Variants in PRPF38B observed in about 807,000 individuals in gnomAD.
PRPF38B encodes the protein pre-mRNA processing factor 38B, also known as pre-mRNA-splicing factor 38B.
In PRPF38B, 18 loss-of-function variants were observed where a neutral mutation model predicts 67.2. That is an observed-to-expected ratio of 0.27 (90% CI 0.19 to 0.40). The LOEUF is 0.40. Ranked by LOEUF, PRPF38B falls within the 10% of genes least tolerant of loss-of-function variation. PRPF38B has a pLI of 1.00. For synonymous variants in PRPF38B, 246 were observed against 234.2 expected, an observed-to-expected ratio of 1.05 and a Z score of -0.46; for missense variants, 544 against 684.9, an observed-to-expected ratio of 0.79 and a Z score of 2.30.
intron 1 of PRPF38B, 25 bp from the exon 2 acceptor site, chr1:108,695,677 T>A (rs765396046): frequency 3.1e-6 from 5 of 1,611,514 alleles, no homozygotes; most frequent in Non-Finnish European, 3.4e-6. Context: ...TGAATGTTTG[T>A]TGTGTTCCTC....
In PRPF38B at chr1:108,702,819, C is replaced by T. The variant is rs1453880849; in HGVS notation, c.*2799C>T. 1.3e-5 allele frequency among the ~76,000 whole-genome samples: 2 copies of T among 152,178 alleles called. No individual in the cohort carries two copies. Among genetic ancestry groups the T allele is most frequent in the Admixed American group, 6.5e-5 (1 of 15,272 alleles). On this transcript the variant is annotated 3_prime_UTR_variant, in exon 6 of 6. Coordinates refer to ENST00000370025, the MANE Select transcript of PRPF38B (RefSeq NM_018061.4). ...TTTTTAATACAGCTTAATAAGCATCCTCCATCCAGTTTTTGTACTTACTGG... is the reference window on the plus strand; with the variant it reads ...TTTTTAATACAGCTTAATAAGCATCTTCCATCCAGTTTTTGTACTTACTGG...
At chr1:108,698,283 AATAC>A (rs1277685856) in intron 4 of PRPF38B, 3 of 221,270 alleles carry the variant, frequency 1.4e-5, no homozygotes, top group Non-Finnish European at 1.8e-5. Context: ...CACAGAAATA[AATAC>A]ATAGTAGGTA....
chr1:108,694,011 C>T (rs1659604534), intron 1 of PRPF38B, among the ~76,000 whole-genome samples: 1 of 152,098 alleles, frequency 6.6e-6, no homozygotes, highest in Non-Finnish European at 1.5e-5. Context: ...TTTTGTCTTG[C>T]CCACCTTTTC....
Position 108,699,333 on chromosome 1 carries a change from C to G in PRPF38B, c.954C>G (p.Ser318=), listed in dbSNP as rs1487577933. The part of the protein sequence containing the change: ...AKEREKERRR[S]RSIDRGLERR... ...AAAGGGAGAAAGAACGGCGAAGATC[C>G]CGAAGTATTGACCGGGGGTTAGAAC... The change falls in exon 6 of 6, where the codon TCC becomes TCG. Residue 318 remains serine, a synonymous_variant. Coordinates refer to ENST00000370025, the MANE Select transcript of PRPF38B (RefSeq NM_018061.4). 1 of 1,613,898 alleles carries G rather than the reference C, an allele frequency of 6.2e-7. No homozygotes were observed. The highest frequency in any genetic ancestry group is 8.5e-7 in the Non-Finnish European group (1 of 1,179,988).
intron 4 of PRPF38B, chr1:108,697,720 T>C (rs1195203838): frequency 2.0e-5 from 3 of 152,234 alleles, no homozygotes; most frequent in Non-Finnish European, 4.4e-5. Context: ...TGTATTGGTT[T>C]TGTTTCTGGA....
chr1:108,697,538 C>CTTTTTTTTTTTTTTTTTTTT (rs34770110), intron 4 of PRPF38B: 6 of 146,066 alleles, frequency 4.1e-5, no homozygotes, highest in African/African-American at 1.6e-4. Flanking sequence ...TTATTTTTCT[C>CTTTTTTTTTTTTTTTTTTTT]TTTTTTTTTT....
rs1315920347 is a variant in PRPF38B, at chr1:108,702,116, C to T, written c.*2096C>T. On this transcript the variant is annotated 3_prime_UTR_variant, in exon 6 of 6. Transcript: ENST00000370025. ...CGATGATCGTCACTACATTTGATTT[C>T]TTGTGGGTTTTTAGTTTGTTTTTGT... Among the ~76,000 whole-genome samples the T allele has an allele frequency of 6.6e-6, 1 of 152,142 alleles. No individual in the cohort carries two copies. Among genetic ancestry groups the T allele is most frequent in the Non-Finnish European group, 1.5e-5 (1 of 68,012 alleles).
chr1:108,700,063 T>C lies in PRPF38B; in HGVS notation c.*43T>C. On this transcript the variant is annotated 3_prime_UTR_variant, in exon 6 of 6. Coordinates refer to ENST00000370025, the MANE Select transcript of PRPF38B (RefSeq NM_018061.4). ...GGATCACATTGAATCCTATAAATGA[T>C]TAAATCTGCTTTTTTCCCCCACGTT... The C allele has an allele frequency of 6.5e-7, 1 of 1,532,896 alleles. No homozygotes were observed. Among genetic ancestry groups the C allele is most frequent in the Non-Finnish European group, 8.7e-7 (1 of 1,146,454 alleles). The allele number at this position is 1,532,896 out of a possible 1,614,324, so 95.0% of individuals were successfully genotyped here.
intron 3 of PRPF38B, 36 bp downstream of exon 3, chr1:108,696,230 C>T (rs752166677): frequency 1.2e-6 from 2 of 1,610,786 alleles, no homozygotes; most frequent in East Asian, 2.2e-5. Context: ...CAGTAAATAT[C>T]TCATTTTAAT....
chr1:108,702,466 T>C lies in PRPF38B; in HGVS notation c.*2446T>C, dbSNP rs913960203. ...ATATGTTTGCTTTTGAGGAAAATTA[T>C]GGTAGGTGTGAGAACATGTAAATTG... On this transcript the variant is annotated 3_prime_UTR_variant, in exon 6 of 6. Coordinates refer to ENST00000370025, the MANE Select transcript of PRPF38B (RefSeq NM_018061.4). 3.9e-5 allele frequency among the ~76,000 whole-genome samples: 6 copies of C among 152,192 alleles called. No individual in the cohort carries two copies. Among genetic ancestry groups the C allele is most frequent in the Non-Finnish European group, 5.9e-5 (4 of 68,046 alleles).
In PRPF38B at chr1:108,701,088, A is replaced by G. The variant is rs1379993773; in HGVS notation, c.*1068A>G. On this transcript the variant is annotated 3_prime_UTR_variant, in exon 6 of 6. Transcript: ENST00000370025. Reference sequence around the variant, plus strand: ...AAGTAATGCTGTGCTGCATTATTTAAGACTATCAGCAAATTATTTGATAGA... The same window carrying G: ...AAGTAATGCTGTGCTGCATTATTTAGGACTATCAGCAAATTATTTGATAGA... 6.6e-6 allele frequency: 1 copy of G among 152,660 alleles called. No individual in the cohort carries two copies. Among genetic ancestry groups the G allele is most frequent in the Non-Finnish European group, 1.5e-5 (1 of 68,032 alleles). 9.5% of individuals were successfully genotyped at this position (152,660 alleles called of 1,614,324 possible).
chr1:108,699,076 A>G, intron 5 of PRPF38B, 86 bp from the exon 6 acceptor site: 1 of 1,519,278 alleles, frequency 6.6e-7, no homozygotes, highest in Non-Finnish European at 8.8e-7. Context: ...GGACATGAAT[A>G]AATAATGCTG....
At chr1:108,696,838 G>A (rs1400622474) in intron 4 of PRPF38B, 2 of 686,854 alleles carry the variant, frequency 2.9e-6, no homozygotes, top group Non-Finnish European at 5.4e-6. Flanking sequence ...TAAGTGTTTG[G>A]ATGACTTGTT....
intron 1 of PRPF38B, chr1:108,693,782 AATT>A: frequency 4.1e-6 from 1 of 243,514 alleles, no homozygotes; most frequent in Non-Finnish European, 6.6e-6. Context: ...CTTCCCTGCA[AATT>A]ATGTAGTATA....
At chr1:108,698,393 C>T in intron 4 of PRPF38B, 1 of 466,380 alleles carries the variant, frequency 2.1e-6, no homozygotes. Flanking sequence ...TCCCTTTATG[C>T]CTGTGAGGCT....
In PRPF38B at chr1:108,695,858, C is replaced by T. The variant is rs373034626; in HGVS notation, c.345+88C>T. On this transcript the variant is annotated intron_variant, in intron 2 of 5. Transcript: ENST00000370025. ...GAACTAGAGGCCTGTCAATTATACA[C>T]TTGAGTGACAATTTTTTTAATCCAA... 5.6e-5 allele frequency: 81 copies of T among 1,444,260 alleles called. No homozygotes were observed. The African/African-American group carries it at 1.0e-3, about 18-fold the overall frequency. 89.5% of individuals were successfully genotyped at this position (1,444,260 alleles called of 1,614,324 possible).
chr1:108,696,639 A>G (rs1463871988), intron 4 of PRPF38B: 6 of 691,786 alleles, frequency 8.7e-6, no homozygotes, highest in Non-Finnish European at 1.6e-5. Flanking sequence ...TATAGTTAAT[A>G]GTGACTTTTC....
chr1:108,700,723 AG>A lies in PRPF38B; in HGVS notation c.*704del, dbSNP rs1660401127. 1 of 152,624 alleles carries A rather than the reference AG, an allele frequency of 6.6e-6. No individual in the cohort carries two copies. The highest frequency in any genetic ancestry group is 2.1e-4 in the South Asian group (1 of 4,834). The allele number at this position is 152,624 out of a possible 1,614,324, so 9.5% of individuals were successfully genotyped here. Reference sequence around the variant, plus strand: ...TAGTATGCCTAAAATTTATTCACTTAGTTTTCCTTTTTTATTTGAAAAAATA... The same window carrying A: ...TAGTATGCCTAAAATTTATTCACTTATTTTCCTTTTTTATTTGAAAAAATA... On this transcript the variant is annotated 3_prime_UTR_variant, in exon 6 of 6. Transcript: ENST00000370025.
chr1:108,699,995 A>G lies in PRPF38B; in HGVS notation c.1616A>G (p.His539Arg), dbSNP rs147907392. 237 of 1,591,370 alleles carry G rather than the reference A, an allele frequency of 1.5e-4. No homozygotes were observed. The highest frequency in any genetic ancestry group is 2.0e-4 in the Non-Finnish European group (229 of 1,173,228). ...GAACAAGAGAGCCAAGAAAAACAGC[A>G]TAAAAACAAAGATGAGACTGTGTGA... ...SIEQESQEKQ[H>R]KNKDETV The change falls in exon 6 of 6, where the codon CAT becomes CGT. Residue 539 changes from histidine to arginine, a missense_variant. His to Arg is a conservative substitution (Grantham distance 29). Around this residue, in one of 5 missense-constraint regions of PRPF38B, gnomAD observed 387 missense variants for 386.1 expected, o/e 1.00. Coordinates refer to ENST00000370025, the MANE Select transcript of PRPF38B (RefSeq NM_018061.4).
Sources: allele counts gnomAD v4.1 joint callset (sites outside exome capture counted in the v4.1 genomes callset), GRCh38; gene constraint gnomAD v4.1.1; regional missense constraint gnomAD v4.1.1; transcripts MANE v1.5; gene names NCBI Gene and HGNC (gene_info 2026-07-23, HGNC 2026-07-21).